SCN3A: variants seen among roughly 807,000 people sequenced by gnomAD.
SCN3A encodes sodium channel protein type 3 subunit alpha.
A neutral mutation model predicts 187.6 loss-of-function variants in SCN3A; 60 were observed. The ratio of observed to expected loss-of-function variants is 0.32; its 90% CI spans 0.26 to 0.40. The LOEUF (loss-of-function observed/expected upper bound fraction) is 0.40, where lower values mean the gene tolerates loss of function less well. SCN3A is among the 10% of genes least tolerant of loss of function. The pLI, the probability that SCN3A is intolerant of heterozygous loss-of-function variation, is 1.00. For missense variants in SCN3A, 1,601 were observed against 2,428.2 expected (o/e 0.66, Z 7.16); for synonymous variants, 788 against 829.2 (o/e 0.95, Z 0.85).
rs1183791010 is a variant in SCN3A, at chr2:165,139,544, A to G, written c.2084T>C (p.Met695Thr). The G allele has an allele frequency of 3.7e-6, 6 of 1,613,936 alleles. No individual in the cohort carries two copies. The highest frequency in any genetic ancestry group is 1.7e-4 in the Middle Eastern group (1 of 6,060). ...RLSSYQISME[M>T]LEDSSGRQRA... ...TTGCCTTCCAGAGGAATCCTCCAGC[A>G]TCTCCATTGAAATCTGGTAAGAGCT... The change falls in exon 14 of 28, where the codon ATG (methionine) becomes ACG (threonine). Residue 695 changes from methionine to threonine, a missense_variant. Around this residue, in one of 11 missense-constraint regions of SCN3A, gnomAD observed 376 missense variants for 476.0 expected, o/e 0.79. Coordinates refer to ENST00000283254, the MANE Select transcript of SCN3A (RefSeq NM_006922.4).
chr2:165,094,578 A>C (rs1184587669), intron 25 of SCN3A, 100 bp from the exon 26 acceptor site: 8 of 789,724 alleles, frequency 1.0e-5, no homozygotes, highest in African/African-American at 1.7e-5. Flanking sequence ...TTTTAAGTGG[A>C]TATTATCCTC....
intron 11 of SCN3A, 32 bp from the exon 12 acceptor site, chr2:165,147,061 AAC>A (rs1559230691): frequency 6.2e-7 from 1 of 1,613,218 alleles, no homozygotes; most frequent in Admixed American, 1.7e-5. Flanking sequence ...CACTATTTAG[AAC>A]ACAGAGCTTT....
At chr2:165,130,998 G>A (rs1687283037) in intron 16 of SCN3A, among the ~76,000 whole-genome samples, 1 of 151,968 alleles carries the variant, frequency 6.6e-6, no homozygotes, top group Admixed American at 6.6e-5. Context: ...TTAAAACACA[G>A]TTTTAGAAAG....
chr2:165,192,608 A>T (rs1034340968), intron 1 of SCN3A, among the ~76,000 whole-genome samples: 1 of 152,120 alleles, frequency 6.6e-6, no homozygotes, highest in African/African-American at 2.4e-5. Context: ...CTCCAGCTAC[A>T]TCTTACATAC....
intron 4 of SCN3A, 54 bp downstream of exon 4, chr2:165,170,376 C>G (rs1250341959): frequency 1.9e-6 from 2 of 1,035,872 alleles, no homozygotes; most frequent in Non-Finnish European, 3.0e-6. Context: ...CTGACATTTT[C>G]TTTAAAATCA....
intron 11 of SCN3A, among the ~76,000 whole-genome samples, chr2:165,153,818 T>G (rs1450489036): frequency 6.6e-6 from 1 of 152,012 alleles, no homozygotes; most frequent in Non-Finnish European, 1.5e-5. Flanking sequence ...ATATGGATTT[T>G]TTTTTCTGTC....
intron 18 of SCN3A, among the ~76,000 whole-genome samples, chr2:165,118,699 A>G (rs540403525): frequency 5.9e-5 from 9 of 152,140 alleles, no homozygotes; most frequent in African/African-American, 2.2e-4. Context: ...TGATTCTCCC[A>G]TCTCAGCCTC....
chr2:165,180,259 A>T (rs1022050206), intron 2 of SCN3A, among the ~76,000 whole-genome samples: 15 of 152,228 alleles, frequency 9.9e-5, no homozygotes, highest in African/African-American at 3.6e-4. Context: ...GAGGGATTCT[A>T]CGAATCAGTA....
At position 165,090,349 on chromosome 2, in the gene SCN3A, C is replaced by T. The variant is rs1342179973; in HGVS notation, c.5804G>A (p.Arg1935Lys). ...SNYNKEAIKG[R>K]IDLPIKQDMI... Reference sequence around the variant, plus strand: ...GTCTTGTTTTATAGGTAAGTCAATCCTCCCTTTAATTGCCTCTTTGTTATA... The same window carrying T: ...GTCTTGTTTTATAGGTAAGTCAATCTTCCCTTTAATTGCCTCTTTGTTATA... The change falls in exon 28 of 28, where the codon AGG becomes AAG. Residue 1935 changes from arginine to lysine, a missense_variant. Coordinates refer to ENST00000283254, the MANE Select transcript of SCN3A (RefSeq NM_006922.4). The surrounding 1 kb of genome is among the most constrained non-coding windows in gnomAD (Gnocchi z 4.0). The T allele has an allele frequency of 5.0e-6, 8 of 1,612,952 alleles. No individual in the cohort carries two copies. In the Admixed American group the frequency reaches 1.3e-4, roughly 27 times the overall value.
At chr2:165,194,577 T>C (rs1489861004) in intron 1 of SCN3A, among the ~76,000 whole-genome samples, 1 of 152,118 alleles carries the variant, frequency 6.6e-6, no homozygotes, top group Non-Finnish European at 1.5e-5. Context: ...TATAAATGCC[T>C]TGAGTAGAAT....
intron 7 of SCN3A, 74 bp downstream of exon 7, chr2:165,163,544 A>G: frequency 6.7e-7 from 1 of 1,497,592 alleles, no homozygotes; most frequent in Non-Finnish European, 9.2e-7. Context: ...CAACAAGGCT[A>G]ATGCTGTAAG....
intron 9 of SCN3A, among the ~76,000 whole-genome samples, chr2:165,160,287 A>T (rs1286335532): frequency 2.6e-4 from 40 of 152,170 alleles, no homozygotes; most frequent in Non-Finnish European, 2.9e-5. Context: ...CAATTATTTC[A>T]TTATATATTA....
Position 165,097,452 on chromosome 2 carries a change from A to G in SCN3A, c.4039T>C (p.Leu1347=), listed in dbSNP as rs1175194588. The change falls in exon 23 of 28, where the codon TTG becomes CTG. Residue 1347 remains leucine, a synonymous_variant. Transcript: ENST00000283254. ...TTCACACCCATGATGCTAAAGATCAACCAGAAGATGAGACAGACCAACAGC... is the reference window on the plus strand; with the variant it reads ...TTCACACCCATGATGCTAAAGATCAGCCAGAAGATGAGACAGACCAACAGC... The part of the protein sequence containing the change: ...NVLLVCLIFW[L]IFSIMGVNLF... 1 of 1,614,060 alleles carries G rather than the reference A, an allele frequency of 6.2e-7. No homozygotes were observed. Among genetic ancestry groups the G allele is most frequent in the African/African-American group, 1.3e-5 (1 of 74,932 alleles).
intron 8 of SCN3A, 24 bp from the exon 9 acceptor site, chr2:165,162,395 T>C (rs1453009917): frequency 1.9e-6 from 3 of 1,607,900 alleles, no homozygotes; most frequent in Non-Finnish European, 2.6e-6. Flanking sequence ...AAAAAACCCA[T>C]TTTATTTCAT....
chr2:165,098,456 C>T (rs1323594282), intron 22 of SCN3A, among the ~76,000 whole-genome samples: 1 of 152,106 alleles, frequency 6.6e-6, no homozygotes, highest in Non-Finnish European at 1.5e-5. Context: ...TAAACATTTC[C>T]TATGCTACTT....
rs539712828 is a variant in SCN3A, at chr2:165,133,024, T to G, written c.2392-1607A>C. Among the ~76,000 whole-genome samples the G allele has an allele frequency of 1.2e-4, 18 of 152,106 alleles. No individual in the cohort carries two copies. In the South Asian group the frequency reaches 3.5e-3, roughly 30 times the overall value. On this transcript the variant is annotated intron_variant, in intron 15 of 27. Transcript: ENST00000283254. Reference sequence around the variant, plus strand: ...GACATTTATGCAGCCAAAAAACACATGAAAAAATGCTCACCATCACTGGCC... The same window carrying G: ...GACATTTATGCAGCCAAAAAACACAGGAAAAAATGCTCACCATCACTGGCC...
At chr2:165,176,472 G>A (rs574783011) in intron 2 of SCN3A, 28 bp from the exon 3 acceptor site, 3 of 1,577,688 alleles carry the variant, frequency 1.9e-6, no homozygotes, top group African/African-American at 2.7e-5. Flanking sequence ...TTGCACAAGA[G>A]TTAGGAAAGC....
chr2:165,185,475 C>T (rs892231256), intron 2 of SCN3A, among the ~76,000 whole-genome samples: 7 of 152,180 alleles, frequency 4.6e-5, no homozygotes, highest in African/African-American at 1.7e-4. Flanking sequence ...AGAAAGAGAA[C>T]AAAGAGAAGA....
At position 165,154,504 on chromosome 2, in the gene SCN3A, G is replaced by A. The variant is rs2105861250; in HGVS notation, c.1328C>T (p.Ala443Val). Residue 443 changes from alanine to valine, a missense_variant, in exon 11 of 28, where the codon GCC becomes GTC. Transcript: ENST00000283254. ...ATLEEAEQKE[A>V]EFQQMLEQLK... ...CTGTTCGAGCATCTGCTGAAATTCGGCCTCTTTTTGTTCTGCTTCTTCCAA... is the reference window on the plus strand; with the variant it reads ...CTGTTCGAGCATCTGCTGAAATTCGACCTCTTTTTGTTCTGCTTCTTCCAA... 1 of 1,613,990 alleles carries A rather than the reference G, an allele frequency of 6.2e-7. No individual in the cohort carries two copies. Among genetic ancestry groups the A allele is most frequent in the Non-Finnish European group, 8.5e-7 (1 of 1,180,000 alleles).
Sources: gnomAD v4.1 joint callset for allele counts (sites outside exome capture counted in the v4.1 genomes callset) on GRCh38, gnomAD v4.1.1 for gene constraint, gnomAD v4.1.1 regional missense constraint, Gnocchi (gnomAD v3.1) non-coding constraint, MANE v1.5 for transcripts, NCBI Gene and HGNC (gene_info 2026-07-23, HGNC 2026-07-21) for gene names.